DLGAP1: variants seen among roughly 807,000 people sequenced by gnomAD.
The protein encoded by DLGAP1 is DLG associated protein 1.
DLGAP1 carries 11 observed loss-of-function variants against 90.8 expected under a neutral mutation model. The observed-to-expected ratio is 0.12, with a 90% CI of 0.08 to 0.20. DLGAP1 has a LOEUF of 0.20. Among genes scored for constraint, DLGAP1 ranks in the 10% least tolerant of loss-of-function variants. The pLI is 1.00. For synonymous variants in DLGAP1, 558 were observed against 540.7 expected (o/e 1.03, Z -0.44); for missense variants, 1,050 against 1,333.8 (o/e 0.79, Z 3.31).
chr18:4,087,252 TAAACTGGCCCCA>T (rs2075700306), intron 2 of DLGAP1, among the ~76,000 whole-genome samples: 1 of 151,696 alleles, frequency 6.6e-6, no homozygotes, highest in Non-Finnish European at 1.5e-5. Context: ...AATCTGTCCA[TAAACTGGCCCCA>T]AAACTGGCCA....
intron 3 of DLGAP1, among the ~76,000 whole-genome samples, chr18:3,884,167 G>T (rs958529368): frequency 5.9e-5 from 9 of 152,182 alleles, no homozygotes; most frequent in Non-Finnish European, 1.3e-4. Context: ...ATGTAAGAGG[G>T]TTAAGTATGT....
At chr18:3,756,055 A>ATT (rs561278903) in intron 5 of DLGAP1, among the ~76,000 whole-genome samples, 2,917 of 147,468 alleles carry the variant, frequency 0.02, 50 homozygotes, top group Middle Eastern at 0.091. Context: ...ACTAAACATT[A>ATT]TTTTTTTTTT....
At chr18:4,047,234 A>G (rs1011160957) in intron 2 of DLGAP1, among the ~76,000 whole-genome samples, 2 of 152,254 alleles carry the variant, frequency 1.3e-5, no homozygotes, top group East Asian at 3.8e-4. Context: ...TCAGACAAAT[A>G]AAATGGTTTG....
chr18:3,716,284 C>T (rs567549233), intron 7 of DLGAP1, among the ~76,000 whole-genome samples: 5 of 152,230 alleles, frequency 3.3e-5, no homozygotes, highest in Non-Finnish European at 7.3e-5. Context: ...TATGGTGGCT[C>T]ATTCCTGTAA....
intron 1 of DLGAP1, among the ~76,000 whole-genome samples, chr18:4,247,481 A>C (rs915167380): frequency 2.0e-5 from 3 of 152,092 alleles, no homozygotes; most frequent in Non-Finnish European, 2.9e-5. Context: ...GTGTCCTTAA[A>C]AATGTTATCC....
intron 12 of DLGAP1, chr18:3,502,234 A>G: frequency 2.2e-6 from 3 of 1,346,812 alleles, no homozygotes; most frequent in Non-Finnish European, 2.9e-6. Flanking sequence ...GGTTTAACTT[A>G]AAGTTTAATT....
intron 1 of DLGAP1, among the ~76,000 whole-genome samples, chr18:4,391,964 GT>G (rs1181250825): frequency 6.6e-6 from 1 of 152,174 alleles, no homozygotes; most frequent in Non-Finnish European, 1.5e-5. Context: ...GAGGTAGTTG[GT>G]TTTTAATCAG....
intron 2 of DLGAP1, among the ~76,000 whole-genome samples, chr18:4,086,817 T>C (rs573323694): frequency 2.6e-5 from 4 of 152,066 alleles, no homozygotes; most frequent in Admixed American, 1.3e-4. Context: ...TCTATATCCT[T>C]ATTGATTTTC....
intron 7 of DLGAP1, among the ~76,000 whole-genome samples, chr18:3,638,778 T>C (rs1415136714): frequency 6.6e-6 from 1 of 152,238 alleles, no homozygotes; most frequent in Non-Finnish European, 1.5e-5. Context: ...AAACATTCAA[T>C]ATCATCAGTA....
intron 5 of DLGAP1, among the ~76,000 whole-genome samples, chr18:3,770,252 A>G (rs529851179): frequency 2.3e-4 from 35 of 152,262 alleles, no homozygotes; most frequent in African/African-American, 6.7e-4. Flanking sequence ...CCTGTCTGAT[A>G]GGTCAGTGCT....
chr18:4,404,248 C>G (rs8086916), intron 1 of DLGAP1, among the ~76,000 whole-genome samples: 59,595 of 152,002 alleles, frequency 0.39, 12,410 homozygotes, highest in African/African-American at 0.54. Flanking sequence ...ATTAATGAAT[C>G]AGAGCAAGTG....
chr18:3,615,761 A>T (rs1487712700), intron 7 of DLGAP1, among the ~76,000 whole-genome samples: 4 of 152,076 alleles, frequency 2.6e-5, no homozygotes, highest in Non-Finnish European at 5.9e-5. Flanking sequence ...GCCCAAATTA[A>T]CTCACTCTCT....
In DLGAP1 at chr18:3,534,227, G is replaced by C. The variant is rs200399766; in HGVS notation, c.2446C>G (p.Arg816Gly). 2 of 1,614,076 alleles carry C rather than the reference G, an allele frequency of 1.2e-6. No homozygotes were observed. Among genetic ancestry groups the C allele is most frequent in the African/African-American group, 1.3e-5 (1 of 75,036 alleles). Residue 816 changes from arginine (R) to glycine (G), a missense_variant, in exon 10 of 13, where the codon CGG (arginine) becomes GGG (glycine). By Grantham distance (125) the Arg-to-Gly change is moderately radical (BLOSUM62 -2). Coordinates refer to ENST00000315677, the MANE Select transcript of DLGAP1 (RefSeq NM_004746.4). ...GGCAGGTTGTTTTCCCGTTCTTCCC[G>C]CTCCATCTGTTGACACCACCCCTCC... ...RMEGWCQQME[R>G]EERENNLPED...
At chr18:3,972,568 T>C (rs868704273) in intron 3 of DLGAP1, among the ~76,000 whole-genome samples, 14 of 152,142 alleles carry the variant, frequency 9.2e-5, no homozygotes, top group South Asian at 2.1e-4. Flanking sequence ...GTTTGGGATA[T>C]AGATAAGTAG....
rs1055987104 is a variant in DLGAP1 at position 3,775,317 on chromosome 18, C to T, written c.1173-32805G>A. ...ATCTCATGTCAAATTGTCATCCTCA[C>T]ATGTTGGCGGAAGGGCCTGGTGGGA... On this transcript the variant is annotated intron_variant, in intron 5 of 12. Transcript: ENST00000315677. The surrounding 1 kb of genome is among the most constrained non-coding windows in gnomAD (Gnocchi z 4.9). Among the ~76,000 whole-genome samples, 3 of 152,218 alleles carry T rather than the reference C, an allele frequency of 2.0e-5. No individual in the cohort carries two copies. The highest frequency in any genetic ancestry group is 7.2e-5 in the African/African-American group (3 of 41,458).
chr18:4,331,576 C>T (rs2080953134), intron 1 of DLGAP1, among the ~76,000 whole-genome samples: 1 of 151,732 alleles, frequency 6.6e-6, no homozygotes, highest in African/African-American at 2.4e-5. Flanking sequence ...TATGACCCTG[C>T]TTTAAGTCCC....
intron 11 of DLGAP1, among the ~76,000 whole-genome samples, chr18:3,504,825 T>C (rs2050130187): frequency 6.6e-6 from 1 of 152,166 alleles, no homozygotes; most frequent in Non-Finnish European, 1.5e-5. Context: ...TCCAAATCAG[T>C]GAGTCATGTG....
intron 8 of DLGAP1, 126 bp from the exon 9 acceptor site, chr18:3,567,707 T>G: frequency 1.2e-6 from 1 of 835,584 alleles, no homozygotes; most frequent in Non-Finnish European, 1.9e-6. Context: ...AACCTCCTTG[T>G]TCAATATTTG....
chr18:3,978,415 A>G, intron 3 of DLGAP1: 1 of 312,226 alleles, frequency 3.2e-6, no homozygotes, highest in Non-Finnish European at 6.3e-6. Context: ...CATTGATGAC[A>G]AGCTTCCCAT....
Sources: allele counts gnomAD v4.1 joint callset (sites outside exome capture counted in the v4.1 genomes callset), GRCh38; gene constraint gnomAD v4.1.1; non-coding constraint Gnocchi (gnomAD v3.1); transcripts MANE v1.5; gene names NCBI Gene and HGNC (gene_info 2026-07-23, HGNC 2026-07-21).